CAMTA1: variants seen among roughly 807,000 people sequenced by gnomAD.
The protein encoded by CAMTA1 is calmodulin binding transcription activator 1.
In CAMTA1, 27 loss-of-function variants were observed where a neutral mutation model predicts 170.9. The ratio of observed to expected loss-of-function variants is 0.16; its 90% CI spans 0.12 to 0.22. The LOEUF is 0.22. Among genes scored for constraint, CAMTA1 ranks in the 10% least tolerant of loss-of-function variants. The pLI, the probability that CAMTA1 is intolerant of heterozygous loss-of-function variation, is 1.00. For missense variants in CAMTA1, 1,619 were observed against 2,217.2 expected, an observed-to-expected ratio of 0.73 and a Z score of 5.42; for synonymous variants, 833 against 891.5, an observed-to-expected ratio of 0.93 and a Z score of 1.17.
intron 4 of CAMTA1, among the ~76,000 whole-genome samples, chr1:7,214,985 T>C (rs1401886606): frequency 6.6e-6 from 1 of 152,168 alleles, no homozygotes; most frequent in African/African-American, 2.4e-5. Context: ...GGTGTATTTG[T>C]GCAGGTCTCT....
intron 5 of CAMTA1, among the ~76,000 whole-genome samples, chr1:7,301,891 A>G (rs1464799351): frequency 6.6e-6 from 1 of 152,046 alleles, no homozygotes; most frequent in Admixed American, 6.6e-5. Flanking sequence ...AACGGGCTGC[A>G]GGCTTTCTCG....
chr1:7,735,572 C>G (rs1053681606), intron 12 of CAMTA1, among the ~76,000 whole-genome samples: 1 of 152,158 alleles, frequency 6.6e-6, no homozygotes, highest in African/African-American at 2.4e-5. Flanking sequence ...TACAGGAAGG[C>G]TAGAACCACT....
At chr1:7,252,381 C>T (rs2149316334) in intron 5 of CAMTA1, among the ~76,000 whole-genome samples, 1 of 152,342 alleles carries the variant, frequency 6.6e-6, no homozygotes, top group South Asian at 2.1e-4. Flanking sequence ...CTACCATGGG[C>T]ATGGACATGG....
intron 6 of CAMTA1, among the ~76,000 whole-genome samples, chr1:7,498,530 G>A (rs1382527007): frequency 1.3e-5 from 2 of 151,956 alleles, no homozygotes; most frequent in Non-Finnish European, 2.9e-5. Flanking sequence ...TAGGAATGTT[G>A]TGTTGCATGT....
chr1:7,648,656 G>T (rs533443469), intron 7 of CAMTA1, among the ~76,000 whole-genome samples: 18 of 152,162 alleles, frequency 1.2e-4, no homozygotes, highest in Non-Finnish European at 2.4e-4. Context: ...ACCCAGTTCT[G>T]GGGCTCAGAG....
intron 11 of CAMTA1, among the ~76,000 whole-genome samples, chr1:7,710,552 G>T (rs949427463): frequency 1.4e-5 from 2 of 140,278 alleles, no homozygotes; most frequent in African/African-American, 2.7e-5. Context: ...GGTGAGCCAC[G>T]ATTACACCAC....
At chr1:7,438,004 TCA>T (rs1249048330) in intron 5 of CAMTA1, among the ~76,000 whole-genome samples, 1 of 152,156 alleles carries the variant, frequency 6.6e-6, no homozygotes, top group African/African-American at 2.4e-5. Context: ...TGACGGGAAA[TCA>T]CAGAGGGCCT....
At chr1:7,553,120 TGAGTGAGTAAA>T (rs2094825897) in intron 6 of CAMTA1, among the ~76,000 whole-genome samples, 1 of 150,454 alleles carries the variant, frequency 6.6e-6, no homozygotes, top group South Asian at 2.1e-4. Context: ...AACGAATGAG[TGAGTGAGTAAA>T]TGAATGAGTG....
rs1406126118 is a variant in CAMTA1, at chr1:7,592,375, G to T, written c.511-48025G>T. ...AGTGCGCCTCCCCTGCGGCACATTC[G>T]GTAGGCTGGGGGTCTGTTGGATCCT... On this transcript the variant is annotated intron_variant, in intron 6 of 22. Coordinates refer to ENST00000303635, the MANE Select transcript of CAMTA1 (RefSeq NM_015215.4). This position sits in a 1 kb window ranked among gnomAD's most constrained non-coding sequence, Gnocchi z 4.6. 6.6e-6 allele frequency among the ~76,000 whole-genome samples: 1 copy of T among 152,198 alleles called. No individual in the cohort carries two copies. Among genetic ancestry groups the T allele is most frequent in the Admixed American group, 6.5e-5 (1 of 15,276 alleles).
rs187907714 is a variant in CAMTA1 at position 7,589,741 on chromosome 1, G to A, written c.511-50659G>A. Among the ~76,000 whole-genome samples the A allele has an allele frequency of 1.6e-3, 241 of 152,258 alleles. 7 individuals are homozygous for A. The South Asian group carries it at 0.042, about 26-fold the overall frequency. ...GACAGACCCCCAAAGCCCTTGCCTC[G>A]ATGTTCCTTTTATCCCAGGAATAAT... On this transcript the variant is annotated intron_variant, in intron 6 of 22. Transcript: ENST00000303635.
intron 4 of CAMTA1, among the ~76,000 whole-genome samples, chr1:7,177,156 C>T (rs1651023056): frequency 6.7e-6 from 1 of 149,590 alleles, no homozygotes; most frequent in Non-Finnish European, 1.5e-5. Context: ...GCTCTTCCCA[C>T]ATACTGAGGC....
chr1:7,166,965 C>A (rs1367397971), intron 4 of CAMTA1, among the ~76,000 whole-genome samples: 2 of 151,852 alleles, frequency 1.3e-5, no homozygotes, highest in Non-Finnish European at 2.9e-5. Context: ...TACCCGCCAC[C>A]CCGCCCAGCT....
chr1:6,969,646 C>A (rs1486437594), intron 3 of CAMTA1, among the ~76,000 whole-genome samples: 2 of 152,286 alleles, frequency 1.3e-5, no homozygotes, highest in East Asian at 3.9e-4. Context: ...TTTGGGGTTT[C>A]TTTGCAGGCT....
chr1:6,793,721 G>C (rs1027115266), intron 1 of CAMTA1, among the ~76,000 whole-genome samples: 2 of 152,196 alleles, frequency 1.3e-5, no homozygotes, highest in Non-Finnish European at 1.5e-5. Context: ...TAGAGAGAGA[G>C]AGAAAGCCTT....
intron 3 of CAMTA1, among the ~76,000 whole-genome samples, chr1:6,969,859 T>C (rs1370582660): frequency 6.6e-6 from 1 of 152,242 alleles, no homozygotes; most frequent in Non-Finnish European, 1.5e-5. Context: ...GGGCCTCATG[T>C]AGCCTTGGTC....
chr1:7,576,165 C>G (rs12074393), intron 6 of CAMTA1, among the ~76,000 whole-genome samples: 1 of 152,084 alleles, frequency 6.6e-6, no homozygotes, highest in Non-Finnish European at 1.5e-5. Flanking sequence ...CCCACCACCA[C>G]GCCTGGCTAA....
intron 3 of CAMTA1, among the ~76,000 whole-genome samples, chr1:6,938,743 A>T (rs1185767430): frequency 1.3e-5 from 2 of 151,956 alleles, no homozygotes; most frequent in African/African-American, 4.8e-5. Context: ...GCCTTTCATG[A>T]TCTCCTCTGG....
Position 7,091,405 on chromosome 1 carries a change from G to A in CAMTA1, c.302+34G>A, listed in dbSNP as rs560909558. On this transcript the variant is annotated intron_variant, in intron 4 of 22. Transcript: ENST00000303635. ...CCAGATCTTGCAGTTTTTCAAATGTGTACCATAAGTGGATTGATTTGCATT... is the reference window on the plus strand; with the variant it reads ...CCAGATCTTGCAGTTTTTCAAATGTATACCATAAGTGGATTGATTTGCATT... The A allele has an allele frequency of 7.7e-5, 115 of 1,489,778 alleles. No individual in the cohort carries two copies. In the East Asian group the frequency reaches 1.7e-3, roughly 22 times the overall value. 92.3% of individuals were successfully genotyped at this position (1,489,778 alleles called of 1,614,324 possible). A position where few individuals can be genotyped will look rare whatever the true frequency, so the allele number is the denominator to read the frequency against.
In CAMTA1 at chr1:7,681,227, G is replaced by T. The variant is rs2096201883; in HGVS notation, c.2914+3494G>T. On this transcript the variant is annotated intron_variant, in intron 11 of 22. Coordinates refer to ENST00000303635, the MANE Select transcript of CAMTA1 (RefSeq NM_015215.4). The surrounding 1 kb of genome is among the most constrained non-coding windows in gnomAD (Gnocchi z 4.6). ...CCATCACTTAGCCCAGGGTTGGCAC[G>T]TGGTGGGCTGCAGTACATATTTGTG... is the stretch of plus-strand genomic sequence containing the variant. Among the ~76,000 whole-genome samples, 1 of 152,154 alleles carries T rather than the reference G, an allele frequency of 6.6e-6. No homozygotes were observed. Among genetic ancestry groups the T allele is most frequent in the African/African-American group, 2.4e-5 (1 of 41,438 alleles).
Sources: allele counts gnomAD v4.1 joint callset (sites outside exome capture counted in the v4.1 genomes callset), GRCh38; gene constraint gnomAD v4.1.1; non-coding constraint Gnocchi (gnomAD v3.1); transcripts MANE v1.5; gene names NCBI Gene and HGNC (gene_info 2026-07-23, HGNC 2026-07-21).